Variants in IL1RAPL2 observed in about 807,000 individuals in gnomAD.
IL1RAPL2 encodes X-linked interleukin-1 receptor accessory protein-like 2.
IL1RAPL2 carries 3 observed loss-of-function variants against 44.1 expected under a neutral mutation model. The observed-to-expected ratio is 0.07, with a 90% CI of 0.03 to 0.18. The LOEUF (loss-of-function observed/expected upper bound fraction) is 0.18, where lower values mean the gene tolerates loss of function less well. Ranked by LOEUF, IL1RAPL2 falls within the 10% of genes least tolerant of loss-of-function variation. The probability of loss-of-function intolerance (pLI) is 1.00; values close to 1 mark genes in which losing one functional copy is unlikely to be tolerated. For missense variants in IL1RAPL2, 391 were observed against 496.4 expected, an observed-to-expected ratio of 0.79 and a Z score of 2.02; for synonymous variants, 181 against 178.8, an observed-to-expected ratio of 1.01 and a Z score of -0.10.
chrX:104,726,650 A>G (rs1347002356), intron 2 of IL1RAPL2, among the ~76,000 whole-genome samples: 1 of 111,098 alleles, frequency 9.0e-6, no homozygotes, highest in Admixed American at 9.6e-5. Context: ...GCAATTGTGA[A>G]TGGGAGTTTG....
At chrX:104,771,959 T>C (rs1341369714) in intron 2 of IL1RAPL2, among the ~76,000 whole-genome samples, 7 of 112,188 alleles carry the variant, frequency 6.2e-5, no homozygotes, top group Non-Finnish European at 1.1e-4. Context: ...CTATACTCTA[T>C]GGATGTCCTT....
chrX:104,655,611 G>T (rs932040583), intron 1 of IL1RAPL2, among the ~76,000 whole-genome samples: 1 of 111,832 alleles, frequency 8.9e-6, no homozygotes, highest in Non-Finnish European at 1.9e-5. Flanking sequence ...ATGTTCATCA[G>T]GGATATTGGT....
chrX:105,190,624 T>G (rs1342918093), intron 2 of IL1RAPL2, among the ~76,000 whole-genome samples: 1 of 111,621 alleles, frequency 9.0e-6, no homozygotes, highest in Non-Finnish European at 1.9e-5. Flanking sequence ...AAGTGCTGAT[T>G]AGCCATTATA....
chrX:104,992,103 G>A (rs1352886494), intron 2 of IL1RAPL2, among the ~76,000 whole-genome samples: 1 of 110,799 alleles, frequency 9.0e-6, no homozygotes, highest in African/African-American at 3.3e-5. Context: ...AGAGTGGAAG[G>A]GAAGAGATTA....
At chrX:105,077,111 G>A (rs754723043) in intron 2 of IL1RAPL2, among the ~76,000 whole-genome samples, 261 of 111,173 alleles carry the variant, frequency 2.3e-3, no homozygotes, top group African/African-American at 7.9e-3. Flanking sequence ...TATTTTGCTC[G>A]TTAGTTGATG....
intron 2 of IL1RAPL2, among the ~76,000 whole-genome samples, chrX:105,114,705 G>T (rs1411841826): frequency 1.8e-5 from 2 of 111,798 alleles, no homozygotes; most frequent in Non-Finnish European, 3.8e-5. Context: ...TTCTCCAAAA[G>T]AGAGACTGAA....
intron 5 of IL1RAPL2, among the ~76,000 whole-genome samples, chrX:105,372,863 G>A (rs2035354740): frequency 8.9e-6 from 1 of 111,900 alleles, no homozygotes; most frequent in African/African-American, 3.2e-5. Context: ...CCATAATATG[G>A]CTGCATAGTA....
At chrX:104,594,899 G>A (rs191650332) in intron 1 of IL1RAPL2, among the ~76,000 whole-genome samples, 1 of 111,999 alleles carries the variant, frequency 8.9e-6, no homozygotes, top group Non-Finnish European at 1.9e-5. Context: ...GAAAAGAGCA[G>A]TGTAGCTGGA....
At chrX:105,311,183 T>C in intron 5 of IL1RAPL2, among the ~76,000 whole-genome samples, 1 of 111,573 alleles carries the variant, frequency 9.0e-6, no homozygotes, top group Admixed American at 9.6e-5. Context: ...TGTTTTGTAT[T>C]TAAAAATGTA....
chrX:104,589,003 G>A (rs16985075), intron 1 of IL1RAPL2, among the ~76,000 whole-genome samples: 6,088 of 111,735 alleles, frequency 0.054, 433 homozygotes, highest in African/African-American at 0.19. Context: ...TGTTTTTGGA[G>A]GTTGTATCAG....
At chrX:105,675,862 T>G (rs983906643) in intron 6 of IL1RAPL2, among the ~76,000 whole-genome samples, 16 of 112,013 alleles carry the variant, frequency 1.4e-4, no homozygotes, top group African/African-American at 5.2e-4. Context: ...TATTGAGGGA[T>G]TCAACCTATT....
At chrX:104,739,443 T>C (rs961406566) in intron 2 of IL1RAPL2, among the ~76,000 whole-genome samples, 1 of 112,279 alleles carries the variant, frequency 8.9e-6, no homozygotes, top group Non-Finnish European at 1.9e-5. Flanking sequence ...CCCATTGGTT[T>C]TGATTTATAA....
chrX:104,657,400 T>C (rs1930289959), intron 1 of IL1RAPL2, among the ~76,000 whole-genome samples: 1 of 111,553 alleles, frequency 9.0e-6, no homozygotes, highest in Non-Finnish European at 1.9e-5. Flanking sequence ...TAAATAGTGC[T>C]GGGAAAACTG....
chrX:104,854,837 A>G (rs750695088), intron 2 of IL1RAPL2, among the ~76,000 whole-genome samples: 1 of 112,011 alleles, frequency 8.9e-6, no homozygotes, highest in East Asian at 2.8e-4. Context: ...CTCAGACATG[A>G]GGGAGTCACA....
At chrX:105,180,344 C>CAAAAAAAA (rs1447517527) in intron 2 of IL1RAPL2, among the ~76,000 whole-genome samples, 10 of 100,808 alleles carry the variant, frequency 9.9e-5, no homozygotes, top group African/African-American at 4.0e-4. Flanking sequence ...TCTCAAAAAA[C>CAAAAAAAA]AAAAACAAAA....
At chrX:105,366,026 C>T (rs1407638668) in intron 5 of IL1RAPL2, among the ~76,000 whole-genome samples, 1 of 110,796 alleles carries the variant, frequency 9.0e-6, no homozygotes, top group Non-Finnish European at 1.9e-5. Flanking sequence ...CGCCTCACTG[C>T]AACCTCCACC....
At chrX:104,811,930 T>C (rs1932985316) in intron 2 of IL1RAPL2, among the ~76,000 whole-genome samples, 1 of 110,998 alleles carries the variant, frequency 9.0e-6, no homozygotes, top group Non-Finnish European at 1.9e-5. Flanking sequence ...ATATTCTTGG[T>C]GCTATTCTGG....
intron 5 of IL1RAPL2, among the ~76,000 whole-genome samples, chrX:105,450,640 G>A (rs1363423156): frequency 9.0e-6 from 1 of 111,462 alleles, no homozygotes; most frequent in Non-Finnish European, 1.9e-5. Flanking sequence ...ACAACTATTT[G>A]TATTGAAGTC....
intron 2 of IL1RAPL2, among the ~76,000 whole-genome samples, chrX:104,753,212 A>G (rs1215335882): frequency 1.8e-5 from 2 of 108,871 alleles, no homozygotes; most frequent in African/African-American, 6.7e-5. Context: ...CTCAACAAGT[A>G]CTTAATGACT....
Sources: allele counts gnomAD v4.1 joint callset (sites outside exome capture counted in the v4.1 genomes callset), GRCh38; gene constraint gnomAD v4.1.1; transcripts MANE v1.5; gene names NCBI Gene and HGNC (gene_info 2026-07-23, HGNC 2026-07-21).